Variants in CHST9 observed in about 807,000 individuals in gnomAD.
CHST9 encodes the protein GalNAc-4-sulfotransferase 2.
Under a neutral mutation model 44.4 loss-of-function variants are expected in CHST9, and 41 were observed. The observed-to-expected ratio is 0.92, with a 90% CI of 0.72 to 1.20. CHST9 has a LOEUF of 1.20. Ranked by LOEUF, CHST9 falls within the 50% of genes most tolerant of loss-of-function variation. The pLI is 0.00. For synonymous variants in CHST9, 171 were observed against 178.4 expected (o/e 0.96, Z 0.33); for missense variants, 504 against 516.5 (o/e 0.98, Z 0.23).
At chr18:27,004,114 A>G (rs567581583) in intron 4 of CHST9, among the ~76,000 whole-genome samples, 18 of 152,212 alleles carry the variant, frequency 1.2e-4, no homozygotes, top group Admixed American at 1.0e-3. Context: ...TAATGAAAGC[A>G]GAGAAGAACA....
At position 26,913,459 on chromosome 18, in the gene CHST9, T is replaced by A. The variant is rs1301352150; in HGVS notation, c.*2800A>T. ...GGCACAATCACATCAATATTGCACATCTATAGATAGTTTACAGGTTACATA... is the reference window on the plus strand; with the variant it reads ...GGCACAATCACATCAATATTGCACAACTATAGATAGTTTACAGGTTACATA... On this transcript the variant is annotated 3_prime_UTR_variant, in exon 6 of 6. Coordinates refer to ENST00000618847, the MANE Select transcript of CHST9 (RefSeq NM_031422.6). 6.6e-6 allele frequency: 1 copy of A among 152,182 alleles called. No homozygotes were observed. Among genetic ancestry groups the A allele is most frequent in the African/African-American group, 2.4e-5 (1 of 41,450 alleles). The allele number at this position is 152,182 out of a possible 1,614,324, so 9.4% of individuals were successfully genotyped here. A position where few individuals can be genotyped will look rare whatever the true frequency, so the allele number is the denominator to read the frequency against.
intron 2 of CHST9, among the ~76,000 whole-genome samples, chr18:27,087,961 T>C (rs2058029194): frequency 6.6e-6 from 1 of 152,230 alleles, no homozygotes; most frequent in Non-Finnish European, 1.5e-5. Flanking sequence ...TCTTCATCAC[T>C]TCAATTTCTC....
At chr18:27,123,118 C>T (rs564713836) in intron 2 of CHST9, among the ~76,000 whole-genome samples, 5 of 152,210 alleles carry the variant, frequency 3.3e-5, no homozygotes, top group Admixed American at 2.0e-4. Context: ...AGACACATTT[C>T]TCAGAACTCC....
chr18:26,930,632 T>C (rs1598567055), intron 5 of CHST9: 1 of 153,772 alleles, frequency 6.5e-6, no homozygotes, highest in Admixed American at 6.5e-5. Context: ...GAGGCAGCCA[T>C]GGCCACAGCC....
At chr18:27,152,782 C>T (rs528404007) in intron 1 of CHST9, among the ~76,000 whole-genome samples, 2 of 151,514 alleles carry the variant, frequency 1.3e-5, no homozygotes, top group Non-Finnish European at 2.9e-5. Flanking sequence ...TTTTTGGAGT[C>T]CTGGGATTTT....
chr18:26,940,601 T>C (rs1454872727), intron 5 of CHST9, among the ~76,000 whole-genome samples: 1 of 152,034 alleles, frequency 6.6e-6, no homozygotes, highest in Non-Finnish European at 1.5e-5. Context: ...AGGGCCTGGA[T>C]GAAGCAGGGG....
intron 4 of CHST9, among the ~76,000 whole-genome samples, chr18:27,018,804 A>G (rs1484439184): frequency 6.6e-6 from 1 of 152,196 alleles, no homozygotes; most frequent in Non-Finnish European, 1.5e-5. Context: ...GTTCAGGCTG[A>G]CGGTGGGAAA....
intron 3 of CHST9, among the ~76,000 whole-genome samples, chr18:27,047,106 T>A (rs2057510620): frequency 1.3e-5 from 2 of 152,038 alleles, no homozygotes; most frequent in African/African-American, 2.4e-5. Context: ...TGAGTCCTTG[T>A]CCTGCCTCTG....
chr18:26,979,924 G>A (rs2056671327), intron 4 of CHST9, among the ~76,000 whole-genome samples: 1 of 152,104 alleles, frequency 6.6e-6, no homozygotes, highest in Admixed American at 6.6e-5. Context: ...CTGTGTTTCA[G>A]ATTGTTTTTA....
At chr18:27,039,706 T>A (rs1004154393) in intron 3 of CHST9, among the ~76,000 whole-genome samples, 2 of 152,110 alleles carry the variant, frequency 1.3e-5, no homozygotes, top group Non-Finnish European at 2.9e-5. Flanking sequence ...AAATAATTTT[T>A]AAAAATCATA....
intron 5 of CHST9, among the ~76,000 whole-genome samples, chr18:26,923,568 T>C (rs2055703437): frequency 6.6e-6 from 1 of 152,222 alleles, no homozygotes; most frequent in Admixed American, 6.5e-5. Context: ...TAGGACCTTA[T>C]ATACTATTGT....
chr18:27,155,492 C>T (rs533754306), intron 1 of CHST9, among the ~76,000 whole-genome samples: 1 of 152,284 alleles, frequency 6.6e-6, no homozygotes, highest in Non-Finnish European at 1.5e-5. Flanking sequence ...AGATTTAATA[C>T]CTGATCTTCA....
At chr18:27,102,705 TG>T (rs2058185849) in intron 2 of CHST9, among the ~76,000 whole-genome samples, 1 of 152,194 alleles carries the variant, frequency 6.6e-6, no homozygotes, top group Non-Finnish European at 1.5e-5. Flanking sequence ...GGGACATACT[TG>T]GGTATCACCC....
intron 5 of CHST9, among the ~76,000 whole-genome samples, chr18:26,923,983 A>G (rs1307367041): frequency 6.6e-6 from 1 of 152,152 alleles, no homozygotes; most frequent in Non-Finnish European, 1.5e-5. Context: ...GACTCAGATG[A>G]CAGGGAGAGG....
intron 2 of CHST9, among the ~76,000 whole-genome samples, chr18:27,128,598 A>T (rs1243566375): frequency 6.6e-6 from 1 of 152,130 alleles, no homozygotes; most frequent in Admixed American, 6.5e-5. Context: ...AGGAACAGTA[A>T]ATTTTTTCTC....
At chr18:26,968,210 C>G (rs931663219) in intron 4 of CHST9, among the ~76,000 whole-genome samples, 2 of 152,058 alleles carry the variant, frequency 1.3e-5, no homozygotes, top group Non-Finnish European at 2.9e-5. Flanking sequence ...AGAACCCTGA[C>G]TAATACAGTA....
chr18:27,175,907 A>C (rs1197019827), intron 1 of CHST9, among the ~76,000 whole-genome samples: 1 of 152,132 alleles, frequency 6.6e-6, no homozygotes, highest in Non-Finnish European at 1.5e-5. Flanking sequence ...ATAAATGTGT[A>C]TATACTTATA....
intron 2 of CHST9, among the ~76,000 whole-genome samples, chr18:27,088,700 C>CT (rs888651474): frequency 4.6e-5 from 7 of 152,058 alleles, no homozygotes; most frequent in Non-Finnish European, 8.8e-5. Flanking sequence ...CCTATTATCA[C>CT]TTTTTTTAAT....
intron 3 of CHST9, among the ~76,000 whole-genome samples, chr18:27,041,257 G>A (rs1200292364): frequency 6.6e-6 from 1 of 152,040 alleles, no homozygotes; most frequent in Admixed American, 6.6e-5. Flanking sequence ...TTTCAATTGG[G>A]AATTATTTGT....
Sources: allele counts gnomAD v4.1 joint callset (sites outside exome capture counted in the v4.1 genomes callset), GRCh38; gene constraint gnomAD v4.1.1; transcripts MANE v1.5; gene names NCBI Gene and HGNC (gene_info 2026-07-23, HGNC 2026-07-21).